Variants in ZC3H12B observed in about 807,000 individuals in gnomAD.
ZC3H12B encodes the protein probable ribonuclease ZC3H12B.
A neutral mutation model predicts 43.9 loss-of-function variants in ZC3H12B; 7 were observed. That is an observed-to-expected ratio of 0.16 (90% confidence interval 0.09 to 0.30). The LOEUF is 0.30. Ranked by LOEUF, ZC3H12B falls within the 10% of genes least tolerant of loss-of-function variation. The pLI, the probability that ZC3H12B is intolerant of heterozygous loss-of-function variation, is 1.00. For synonymous variants in ZC3H12B, 222 were observed against 241.7 expected (o/e 0.92, Z 0.76); for missense variants, 475 against 670.2 (o/e 0.71, Z 3.22).
At chrX:65,406,613 TGGGCGGGACTGGGCGGGGCC>T (rs1270203545) in intron 3 of ZC3H12B, among the ~76,000 whole-genome samples, 6 of 17,380 alleles carry the variant, frequency 3.5e-4, no homozygotes, top group Admixed American at 1.2e-3. Context: ...TGGGCGGGGC[TGGGCGGGACTGGGCGGGGCC>T]GGGCGGGGCC....
At chrX:65,443,694 G>T (rs761342541) in intron 3 of ZC3H12B, among the ~76,000 whole-genome samples, 2 of 112,299 alleles carry the variant, frequency 1.8e-5, no homozygotes, top group Non-Finnish European at 3.8e-5. Flanking sequence ...CAGCCTGGGC[G>T]GGCCAGGTGT....
At chrX:65,277,570 G>T in the ZC3H12B span, among the ~76,000 whole-genome samples, 1 of 111,896 alleles carries the variant, frequency 8.9e-6, no homozygotes. Flanking sequence ...AGGAACATGT[G>T]AAATGATACA....
At chrX:65,383,229 A>T (rs1023891523) in intron 2 of ZC3H12B, among the ~76,000 whole-genome samples, 3 of 112,303 alleles carry the variant, frequency 2.7e-5, no homozygotes, top group African/African-American at 9.7e-5. Flanking sequence ...TAACCAAAAC[A>T]GCATGGTACT....
the ZC3H12B span, among the ~76,000 whole-genome samples, chrX:65,154,498 G>T: frequency 8.9e-6 from 1 of 111,762 alleles, no homozygotes; most frequent in Non-Finnish European, 1.9e-5. Context: ...TTTCTACATG[G>T]ACATTTATCT....
the ZC3H12B span, among the ~76,000 whole-genome samples, chrX:65,192,933 C>T: frequency 1.8e-5 from 2 of 110,169 alleles, no homozygotes; most frequent in Non-Finnish European, 3.8e-5. Flanking sequence ...GCCACCACCC[C>T]CAGCTAATTT....
chrX:65,104,932 C>T, the ZC3H12B span, among the ~76,000 whole-genome samples: 5 of 111,709 alleles, frequency 4.5e-5, no homozygotes, highest in African/African-American at 1.6e-4. Context: ...ATAAATCATT[C>T]TACTATAAAG....
chrX:65,174,099 C>T, the ZC3H12B span, among the ~76,000 whole-genome samples: 65 of 111,289 alleles, frequency 5.8e-4, no homozygotes, highest in African/African-American at 1.7e-3. Flanking sequence ...TTGTTGCCTG[C>T]TCCATCCTCT....
At chrX:65,211,100 A>AAG in the ZC3H12B span, among the ~76,000 whole-genome samples, 2 of 106,048 alleles carry the variant, frequency 1.9e-5, no homozygotes, top group African/African-American at 7.0e-5. Flanking sequence ...AAAAAAAAAA[A>AAG]AAAAGAACTT....
chrX:65,472,562 T>C (rs765784615), intron 3 of ZC3H12B, among the ~76,000 whole-genome samples: 1 of 109,317 alleles, frequency 9.1e-6, no homozygotes, highest in Admixed American at 1.0e-4. Flanking sequence ...TTGTATCTTA[T>C]GTTTAAGTCT....
chrX:65,397,323 C>T (rs1454049233), intron 2 of ZC3H12B, among the ~76,000 whole-genome samples: 2 of 111,747 alleles, frequency 1.8e-5, no homozygotes, highest in Non-Finnish European at 3.8e-5. Context: ...TGTGTTTTTG[C>T]AGTGGTTGGT....
chrX:65,211,080 A>AG, the ZC3H12B span, among the ~76,000 whole-genome samples: 3 of 83,634 alleles, frequency 3.6e-5, no homozygotes, highest in African/African-American at 3.0e-4. Context: ...TAAAAAAAAA[A>AG]AAAGAAAGAA....
intron 3 of ZC3H12B, among the ~76,000 whole-genome samples, chrX:65,453,073 T>A (rs1276086049): frequency 3.7e-5 from 4 of 109,087 alleles, no homozygotes; most frequent in East Asian, 5.8e-4. Context: ...TCAAATCTGC[T>A]GGAGGCATCA....
At chrX:65,251,312 C>G in the ZC3H12B span, among the ~76,000 whole-genome samples, 19 of 111,573 alleles carry the variant, frequency 1.7e-4, no homozygotes, top group African/African-American at 6.2e-4. Flanking sequence ...TGTTTTGGTA[C>G]CAGTACCATG....
the ZC3H12B span, among the ~76,000 whole-genome samples, chrX:65,323,193 G>C: frequency 8.9e-6 from 1 of 112,194 alleles, no homozygotes; most frequent in African/African-American, 3.2e-5. Flanking sequence ...TTGAATTTAA[G>C]TGGTGAGAGT....
chrX:65,163,980 A>T, the ZC3H12B span, among the ~76,000 whole-genome samples: 2 of 112,199 alleles, frequency 1.8e-5, no homozygotes, highest in African/African-American at 6.5e-5. Context: ...TATTAAATCT[A>T]TCCTGGCTTC....
chrX:65,131,855 A>T, the ZC3H12B span, among the ~76,000 whole-genome samples: 1 of 111,623 alleles, frequency 9.0e-6, no homozygotes, highest in Non-Finnish European at 1.9e-5. Context: ...TGGAGAATAA[A>T]TGTTGAAGGA....
intron 2 of ZC3H12B, among the ~76,000 whole-genome samples, chrX:65,379,023 G>T (rs757671932): frequency 8.0e-5 from 9 of 112,273 alleles, no homozygotes; most frequent in African/African-American, 2.9e-4. Context: ...CAGCAGCGAG[G>T]CTAGGGGAGG....
At chrX:65,234,556 C>T in the ZC3H12B span, among the ~76,000 whole-genome samples, 1 of 111,986 alleles carries the variant, frequency 8.9e-6, no homozygotes, top group African/African-American at 3.2e-5. Context: ...ATTTGGAAAG[C>T]AGGACGTCAA....
the ZC3H12B span, among the ~76,000 whole-genome samples, chrX:65,170,227 C>T: frequency 4.1e-4 from 46 of 111,323 alleles, no homozygotes; most frequent in South Asian, 0.012. Flanking sequence ...AAGGCAGGCC[C>T]GGTGGTGACA....
Sources: allele counts gnomAD v4.1 joint callset (sites outside exome capture counted in the v4.1 genomes callset), GRCh38; gene constraint gnomAD v4.1.1; transcripts MANE v1.5; gene names NCBI Gene and HGNC (gene_info 2026-07-23, HGNC 2026-07-21).